The following MTUS2 variants were observed in gnomAD, a reference collection of about 807,000 sequenced individuals.
MTUS2 encodes microtubule-associated tumor suppressor candidate 2.
A neutral mutation model predicts 114.1 loss-of-function variants in MTUS2; 40 were observed. The observed-to-expected ratio is 0.35, with a 90% confidence interval of 0.27 to 0.46. The LOEUF (loss-of-function observed/expected upper bound fraction) is 0.46. MTUS2 is among the 20% of genes least tolerant of loss of function. The pLI, the probability that MTUS2 is intolerant of heterozygous loss-of-function variation, is 1.00. For missense variants in MTUS2, 1,679 were observed against 1,705.4 expected (o/e 0.98, Z 0.27); for synonymous variants, 688 against 672.0 (o/e 1.02, Z -0.37).
rs530279353 is a variant in MTUS2 at position 29,358,995 on chromosome 13, TAGA to T, written c.2906-261_2906-259del. ...AAGCTTCTCTCTCTCCAAGCAAGCC[TAGA>T]AGAAGTGTCGGAAGCTGGAAGGAAT... is the stretch of plus-strand genomic sequence containing the variant. On this transcript the variant is annotated intron_variant, in intron 7 of 15. Transcript: ENST00000612955. Among the ~76,000 whole-genome samples, 56 of 148,840 alleles carry T rather than the reference TAGA, an allele frequency of 3.8e-4. No homozygotes were observed. In the East Asian group the frequency reaches 9.6e-3, roughly 26 times the overall value.
intron 5 of MTUS2, among the ~76,000 whole-genome samples, chr13:29,189,097 A>G (rs1018370168): frequency 1.3e-5 from 2 of 152,186 alleles, no homozygotes; most frequent in South Asian, 4.1e-4. Flanking sequence ...AGAGCTCAGG[A>G]ATTAGTGTTC....
At chr13:28,960,224 G>A (rs1883260439) in intron 2 of MTUS2, among the ~76,000 whole-genome samples, 1 of 152,122 alleles carries the variant, frequency 6.6e-6, no homozygotes, top group African/African-American at 2.4e-5. Flanking sequence ...AAAAAGACAG[G>A]TGATAAGAAT....
intron 5 of MTUS2, among the ~76,000 whole-genome samples, chr13:29,161,979 T>A (rs1893117108): frequency 6.6e-6 from 1 of 152,230 alleles, no homozygotes; most frequent in Non-Finnish European, 1.5e-5. Context: ...AGCTCACTCC[T>A]TTCTCCCGAA....
chr13:29,235,082 TTTAG>T (rs887067999), intron 5 of MTUS2, among the ~76,000 whole-genome samples: 11 of 152,122 alleles, frequency 7.2e-5, no homozygotes, highest in Admixed American at 2.0e-4. Flanking sequence ...TCAAATTTAA[TTTAG>T]TTAATTAATT....
At chr13:29,488,583 T>A (rs540074255) in intron 11 of MTUS2, among the ~76,000 whole-genome samples, 8 of 152,126 alleles carry the variant, frequency 5.3e-5, no homozygotes, top group African/African-American at 1.9e-4. Context: ...CCCGAGTAGC[T>A]GGGATTACAG....
At chr13:28,907,009 C>T (rs867320391) in intron 2 of MTUS2, among the ~76,000 whole-genome samples, 51 of 151,584 alleles carry the variant, frequency 3.4e-4, no homozygotes, top group Middle Eastern at 3.5e-3. Flanking sequence ...AGAGAAAGGT[C>T]GGGTTACCCA....
At chr13:29,351,346 T>C (rs1031268752) in intron 7 of MTUS2, among the ~76,000 whole-genome samples, 4 of 152,130 alleles carry the variant, frequency 2.6e-5, no homozygotes, top group African/African-American at 9.7e-5. Flanking sequence ...CCTCCTGGGC[T>C]GTAAATTGAA....
chr13:29,275,069 GTTATCAGA>G (rs1385298248), intron 5 of MTUS2, among the ~76,000 whole-genome samples: 2 of 152,084 alleles, frequency 1.3e-5, no homozygotes, highest in Non-Finnish European at 2.9e-5. Flanking sequence ...ATACCAGACC[GTTATCAGA>G]TATGACTTGC....
At chr13:29,017,051 A>G (rs1358792770) in intron 2 of MTUS2, among the ~76,000 whole-genome samples, 1 of 152,236 alleles carries the variant, frequency 6.6e-6, no homozygotes, top group Non-Finnish European at 1.5e-5. Context: ...TGCAGAAAAC[A>G]TGGAGGTATT....
intron 5 of MTUS2, among the ~76,000 whole-genome samples, chr13:29,267,065 G>A (rs1897692394): frequency 6.6e-6 from 1 of 152,176 alleles, no homozygotes; most frequent in South Asian, 2.1e-4. Flanking sequence ...AGAGCTGGTG[G>A]CATTGTCTCA....
At chr13:28,984,326 T>C (rs909267275) in intron 2 of MTUS2, among the ~76,000 whole-genome samples, 1 of 152,228 alleles carries the variant, frequency 6.6e-6, no homozygotes, top group African/African-American at 2.4e-5. Flanking sequence ...CCTCTCTCCT[T>C]CTACCCCTCC....
At chr13:29,306,919 C>A in intron 6 of MTUS2, 1 of 533,542 alleles carries the variant, frequency 1.9e-6, no homozygotes. Flanking sequence ...CTACATGTTC[C>A]AGTATGGTTC....
At chr13:29,018,154 G>A (rs890701536) in intron 2 of MTUS2, among the ~76,000 whole-genome samples, 15 of 152,248 alleles carry the variant, frequency 9.9e-5, no homozygotes, top group African/African-American at 3.4e-4. Context: ...GCAGCTCTTG[G>A]GTAGGAGGAT....
chr13:28,839,195 A>G (rs1347246301), intron 1 of MTUS2, among the ~76,000 whole-genome samples: 1 of 152,236 alleles, frequency 6.6e-6, no homozygotes, highest in East Asian at 1.9e-4. Flanking sequence ...CAATTTAGAG[A>G]AGAGAGTAAT....
intron 5 of MTUS2, among the ~76,000 whole-genome samples, chr13:29,226,322 T>G (rs1896107037): frequency 6.6e-6 from 1 of 152,210 alleles, no homozygotes; most frequent in Non-Finnish European, 1.5e-5. Flanking sequence ...ACTGCTAAAC[T>G]TAGGTGGCTT....
intron 2 of MTUS2, among the ~76,000 whole-genome samples, chr13:28,893,425 A>C (rs1879049375): frequency 6.6e-6 from 1 of 152,176 alleles, no homozygotes. Flanking sequence ...GGCCAAGGAA[A>C]CAATAAGAAT....
chr13:29,307,014 G>A lies in MTUS2; in HGVS notation c.2807-17599G>A, dbSNP rs1488631706. 3 of 533,164 alleles carry A rather than the reference G, an allele frequency of 5.6e-6. No homozygotes were observed. In the African/African-American group the frequency reaches 5.7e-5, roughly 10 times the overall value. 33.0% of individuals were successfully genotyped at this position (533,164 alleles called of 1,614,324 possible). A position where few individuals can be genotyped will look rare whatever the true frequency, so the allele number is the denominator to read the frequency against. On this transcript the variant is annotated intron_variant, in intron 6 of 15. Transcript: ENST00000612955. ...GAAATCTCATCACCATCTTCCAGGA[G>A]CGAGATCCCTCCAAAATCAAATGGG...
intron 11 of MTUS2, among the ~76,000 whole-genome samples, chr13:29,491,102 TTA>T: frequency 6.9e-6 from 1 of 145,848 alleles, no homozygotes; most frequent in Non-Finnish European, 1.5e-5. Context: ...GTGCGGGTGT[TTA>T]TAGTGTGTGC....
intron 6 of MTUS2, among the ~76,000 whole-genome samples, chr13:29,318,832 G>A (rs1437364331): frequency 6.6e-6 from 1 of 152,158 alleles, no homozygotes; most frequent in East Asian, 1.9e-4. Context: ...CACCCCTGTA[G>A]GCTTTTGAGA....
Sources: allele counts gnomAD v4.1 joint callset (sites outside exome capture counted in the v4.1 genomes callset), GRCh38; gene constraint gnomAD v4.1.1; transcripts MANE v1.5; gene names NCBI Gene and HGNC (gene_info 2026-07-23, HGNC 2026-07-21).